SLC8A1: variants seen among roughly 807,000 people sequenced by gnomAD.
The protein encoded by SLC8A1 is solute carrier family 8 member A1, also known as sodium/calcium exchanger 1.
Under a neutral mutation model 68.3 loss-of-function variants are expected in SLC8A1, and 18 were observed. The ratio of observed to expected loss-of-function variants is 0.26; its 90% CI spans 0.18 to 0.39. SLC8A1 has a LOEUF of 0.39. Ranked by LOEUF, SLC8A1 falls within the 10% of genes least tolerant of loss-of-function variation. The probability of loss-of-function intolerance (pLI) is 1.00; values close to 1 mark genes in which losing one functional copy is unlikely to be tolerated. For synonymous variants in SLC8A1, 475 were observed against 415.5 expected (o/e 1.14, Z -1.74); for missense variants, 985 against 1,156.7 (o/e 0.85, Z 2.15).
chr2:40,158,689 AG>A (rs1384071037), intron 6 of SLC8A1, among the ~76,000 whole-genome samples: 2 of 152,166 alleles, frequency 1.3e-5, no homozygotes, highest in African/African-American at 4.8e-5. Context: ...CTTCTTCTAA[AG>A]GGCAGTAGAT....
At chr2:40,163,895 G>A (rs957876663) in intron 5 of SLC8A1, among the ~76,000 whole-genome samples, 1 of 151,450 alleles carries the variant, frequency 6.6e-6, no homozygotes, top group African/African-American at 2.4e-5. Context: ...GGAAAAGAGG[G>A]GACTATTATG....
At chr2:40,382,199 A>G (rs1012902983) in intron 2 of SLC8A1, among the ~76,000 whole-genome samples, 8 of 152,136 alleles carry the variant, frequency 5.3e-5, no homozygotes, top group African/African-American at 1.9e-4. Context: ...AAAGAGGCCA[A>G]GCTTAATGAC....
At chr2:40,305,944 A>C (rs980694329) in intron 2 of SLC8A1, among the ~76,000 whole-genome samples, 10 of 152,220 alleles carry the variant, frequency 6.6e-5, no homozygotes, top group African/African-American at 2.4e-4. Flanking sequence ...TTACTTGGTA[A>C]ATGAATTCAA....
upstream of SLC8A1, among the ~76,000 whole-genome samples, chr2:40,453,651 G>C (rs560071297): frequency 2.0e-5 from 3 of 152,264 alleles, no homozygotes; most frequent in African/African-American, 7.2e-5. Context: ...GCCTTAATTT[G>C]TTTTTAAGAT....
intron 1 of SLC8A1, among the ~76,000 whole-genome samples, chr2:40,439,094 G>C (rs1700016322): frequency 6.6e-6 from 1 of 152,084 alleles, no homozygotes; most frequent in African/African-American, 2.4e-5. Flanking sequence ...ATGTGTCCAG[G>C]AGGTGGGGGA....
chr2:40,332,170 C>T (rs759437124), intron 2 of SLC8A1, among the ~76,000 whole-genome samples: 27 of 151,984 alleles, frequency 1.8e-4, no homozygotes, highest in South Asian at 6.2e-4. Context: ...TTGGCAACAC[C>T]GTAAGTATTT....
chr2:40,294,475 G>C (rs1363822203), intron 2 of SLC8A1, among the ~76,000 whole-genome samples: 1 of 152,006 alleles, frequency 6.6e-6, no homozygotes, highest in Non-Finnish European at 1.5e-5. Flanking sequence ...AAATGAAGTA[G>C]ACCCAAACTT....
rs1013845171 is a variant in SLC8A1, at chr2:40,451,448, C to A, written c.-25+456G>T. 4.6e-5 allele frequency among the ~76,000 whole-genome samples: 7 copies of A among 152,252 alleles called. No individual in the cohort carries two copies. The South Asian group carries it at 1.0e-3, about 23-fold the overall frequency. The stretch of plus-strand genomic sequence containing the variant: ...CGGAAATGTGGCCTTGGGGAAAGAC[C>A]CCAGGGATTACCGGAAGGAGGGATG... On this transcript the variant is annotated intron_variant, in intron 1 of 7. Transcript: ENST00000406785.
chr2:40,237,335 C>T (rs2148936249), intron 2 of SLC8A1, among the ~76,000 whole-genome samples: 3 of 152,286 alleles, frequency 2.0e-5, no homozygotes, highest in Non-Finnish European at 4.4e-5. Flanking sequence ...AACTTCCCTT[C>T]TCACTTCATT....
chr2:40,444,382 C>T (rs1701056015), intron 1 of SLC8A1, among the ~76,000 whole-genome samples: 1 of 152,098 alleles, frequency 6.6e-6, no homozygotes, highest in Non-Finnish European at 1.5e-5. Context: ...CTAGCCCCCA[C>T]CTTTCCCAGT....
chr2:40,481,352 G>T (rs1471534539), intron 1 of SLC8A1, among the ~76,000 whole-genome samples: 1 of 152,146 alleles, frequency 6.6e-6, no homozygotes, highest in Admixed American at 6.5e-5. Context: ...GAAGACAAAA[G>T]AGACATTGAA....
chr2:40,258,777 G>C (rs943488486), intron 2 of SLC8A1, among the ~76,000 whole-genome samples: 1 of 152,056 alleles, frequency 6.6e-6, no homozygotes, highest in African/African-American at 2.4e-5. Context: ...TGGAGGCAGA[G>C]GTTGCAGTGA....
At chr2:40,309,000 T>C (rs1238293214) in intron 2 of SLC8A1, among the ~76,000 whole-genome samples, 2 of 152,168 alleles carry the variant, frequency 1.3e-5, no homozygotes, top group Non-Finnish European at 2.9e-5. Context: ...GATGTTGAAA[T>C]TGCATTCATG....
intron 2 of SLC8A1, among the ~76,000 whole-genome samples, chr2:40,367,872 A>T (rs1676779483): frequency 6.6e-6 from 1 of 152,014 alleles, no homozygotes; most frequent in South Asian, 2.1e-4. Flanking sequence ...AACCCCCCAC[A>T]TCTTGTTCAC....
intron 7 of SLC8A1, among the ~76,000 whole-genome samples, chr2:40,128,626 A>G (rs945660895): frequency 1.3e-5 from 2 of 152,212 alleles, no homozygotes; most frequent in East Asian, 1.9e-4. Flanking sequence ...TAAGAGTCAC[A>G]GTGCTAATTC....
At chr2:40,242,340 C>A (rs615449) in intron 2 of SLC8A1, among the ~76,000 whole-genome samples, 35,046 of 151,990 alleles carry the variant, frequency 0.23, 6,368 homozygotes, top group African/African-American at 0.5. Context: ...TCCACATTTC[C>A]TTTCATATTT....
chr2:40,405,241 G>C (rs974680874), intron 2 of SLC8A1, among the ~76,000 whole-genome samples: 1 of 152,184 alleles, frequency 6.6e-6, no homozygotes, highest in Admixed American at 6.5e-5. Context: ...ATTACCGAGT[G>C]GAGAAGATGC....
chr2:40,366,896 C>A (rs1009919584), intron 2 of SLC8A1, among the ~76,000 whole-genome samples: 1 of 151,946 alleles, frequency 6.6e-6, no homozygotes, highest in African/African-American at 2.4e-5. Context: ...CAGCAACTAA[C>A]AAGTTGAATC....
At chr2:40,419,211 C>G (rs557369644) in intron 2 of SLC8A1, among the ~76,000 whole-genome samples, 1 of 152,186 alleles carries the variant, frequency 6.6e-6, no homozygotes, top group Non-Finnish European at 1.5e-5. Context: ...GAATAGGGCC[C>G]AGCCCTTCTG....
Sources: allele counts gnomAD v4.1 joint callset (sites outside exome capture counted in the v4.1 genomes callset), GRCh38; gene constraint gnomAD v4.1.1; transcripts MANE v1.5; gene names NCBI Gene and HGNC (gene_info 2026-07-23, HGNC 2026-07-21).